Variants in CACNA2D1 observed in about 807,000 individuals in gnomAD.
CACNA2D1 encodes the protein voltage-dependent calcium channel subunit alpha-2/delta-1.
In CACNA2D1, 53 loss-of-function variants were observed where a neutral mutation model predicts 171.5. The ratio of observed to expected loss-of-function variants is 0.31; its 90% CI spans 0.25 to 0.39. The LOEUF (loss-of-function observed/expected upper bound fraction) is 0.39, where lower values mean the gene tolerates loss of function less well. CACNA2D1 is among the 10% of genes least tolerant of loss of function. The pLI, the probability that CACNA2D1 is intolerant of heterozygous loss-of-function variation, is 1.00. For missense variants in CACNA2D1, 903 were observed against 1,299.8 expected (o/e 0.69, Z 4.69); for synonymous variants, 442 against 443.1 (o/e 1.00, Z 0.03).
At chr7:81,995,057 A>T (rs1168316974) in intron 19 of CACNA2D1, 118 bp from the exon 20 acceptor site, 1 of 613,864 alleles carries the variant, frequency 1.6e-6, no homozygotes, top group Non-Finnish European at 3.0e-6. Context: ...TAAAATAAAA[A>T]TAGGGGGTTA....
chr7:82,133,790 G>T (rs1791280984), intron 5 of CACNA2D1, among the ~76,000 whole-genome samples: 1 of 152,004 alleles, frequency 6.6e-6, no homozygotes, highest in African/African-American at 2.4e-5. Context: ...GAATCATGCA[G>T]GGCCGGGCAC....
At chr7:82,308,864 C>G (rs1360031287) in intron 3 of CACNA2D1, among the ~76,000 whole-genome samples, 2 of 152,166 alleles carry the variant, frequency 1.3e-5, no homozygotes, top group Non-Finnish European at 2.9e-5. Context: ...CTAGGGCCAT[C>G]CCTTTAGAAG....
At chr7:82,347,740 A>C (rs1819401758) in intron 2 of CACNA2D1, among the ~76,000 whole-genome samples, 2 of 152,142 alleles carry the variant, frequency 1.3e-5, no homozygotes, top group African/African-American at 2.4e-5. Context: ...ATTATTCATT[A>C]ATTTGGAATT....
chr7:82,100,828 C>CT (rs36030630), intron 6 of CACNA2D1, among the ~76,000 whole-genome samples: 2,335 of 146,080 alleles, frequency 0.016, 28 homozygotes, highest in Middle Eastern at 0.036. Context: ...AACTTTTTAA[C>CT]TTTTTTTTTT....
chr7:81,979,786 G>T (rs1796253656), intron 24 of CACNA2D1, among the ~76,000 whole-genome samples: 1 of 152,070 alleles, frequency 6.6e-6, no homozygotes, highest in East Asian at 1.9e-4. Context: ...CTACTAATAA[G>T]ATTGCAAGTA....
chr7:82,273,732 A>G (rs1405640774), intron 3 of CACNA2D1, among the ~76,000 whole-genome samples: 1 of 152,178 alleles, frequency 6.6e-6, no homozygotes, highest in Non-Finnish European at 1.5e-5. Context: ...TATAATTCCA[A>G]TTTAATAAAA....
At chr7:82,342,301 A>C (rs1241504578) in intron 2 of CACNA2D1, among the ~76,000 whole-genome samples, 3 of 152,154 alleles carry the variant, frequency 2.0e-5, no homozygotes, top group Non-Finnish European at 4.4e-5. Context: ...CACAAGGTAA[A>C]TCTCAAGAAG....
chr7:82,007,632 C>T, intron 16 of CACNA2D1, 47 bp downstream of exon 16: 1 of 973,968 alleles, frequency 1.0e-6, no homozygotes, highest in South Asian at 1.4e-5. Context: ...GCTTCAACGT[C>T]ACAGTTTGTC....
At chr7:82,234,714 A>G (rs547189577) in intron 3 of CACNA2D1, among the ~76,000 whole-genome samples, 28 of 152,312 alleles carry the variant, frequency 1.8e-4, no homozygotes, top group African/African-American at 5.5e-4. Context: ...AAATCAATCC[A>G]TTCTCAAAAA....
At chr7:82,149,955 C>T (rs1793621329) in intron 4 of CACNA2D1, among the ~76,000 whole-genome samples, 1 of 151,534 alleles carries the variant, frequency 6.6e-6, no homozygotes, top group East Asian at 1.9e-4. Flanking sequence ...AGAGTATGTG[C>T]GTGTCTCTGT....
At chr7:82,262,989 A>G (rs1025506814) in intron 3 of CACNA2D1, among the ~76,000 whole-genome samples, 5 of 151,840 alleles carry the variant, frequency 3.3e-5, no homozygotes, top group African/African-American at 4.8e-5. Flanking sequence ...TTTTTGTCCA[A>G]TCGTATTTCT....
chr7:82,002,718 GGAATAAAGCA>G (rs1220859276), intron 18 of CACNA2D1, among the ~76,000 whole-genome samples: 1 of 152,056 alleles, frequency 6.6e-6, no homozygotes, highest in Non-Finnish European at 1.5e-5. Context: ...AATCCATTTT[GGAATAAAGCA>G]GAATACATAA....
rs578220927 is a variant in CACNA2D1 at position 82,351,312 on chromosome 7, TA to T, written c.96-1664del. ...ATATTTTTTCAGATAAATTTAAATA[TA>T]ACAAAATATGGAATAAAAATATAAC... On this transcript the variant is annotated intron_variant, in intron 1 of 38. Transcript: ENST00000356860. Among the ~76,000 whole-genome samples the T allele has an allele frequency of 2.1e-4, 32 of 151,466 alleles. No homozygotes were observed. In the South Asian group the frequency reaches 6.6e-3, roughly 31 times the overall value.
At chr7:81,984,235 CAAATA>C (rs1796730447) in intron 22 of CACNA2D1, among the ~76,000 whole-genome samples, 2 of 151,944 alleles carry the variant, frequency 1.3e-5, no homozygotes, top group African/African-American at 4.8e-5. Context: ...TAACCAGAAA[CAAATA>C]AAAGGAAAGA....
At chr7:82,134,307 T>A (rs1791355475) in intron 5 of CACNA2D1, among the ~76,000 whole-genome samples, 1 of 152,150 alleles carries the variant, frequency 6.6e-6, no homozygotes, top group Middle Eastern at 3.2e-3. Context: ...AGAACTGAAA[T>A]GAACGTTATG....
intron 7 of CACNA2D1, among the ~76,000 whole-genome samples, chr7:82,078,312 G>C (rs1281872154): frequency 2.6e-5 from 4 of 151,920 alleles, no homozygotes; most frequent in Admixed American, 2.6e-4. Flanking sequence ...AGTAAGTGCT[G>C]GCTACATTGG....
At chr7:82,388,525 A>C (rs1824691834) in intron 1 of CACNA2D1, among the ~76,000 whole-genome samples, 1 of 152,206 alleles carries the variant, frequency 6.6e-6, no homozygotes, top group African/African-American at 2.4e-5. Context: ...TTTAGGGGAC[A>C]TGAGAGTGGC....
At chr7:81,970,518 A>C (rs1795158975) in intron 27 of CACNA2D1, among the ~76,000 whole-genome samples, 157 bp downstream of exon 27, 1 of 151,576 alleles carries the variant, frequency 6.6e-6, no homozygotes, top group Admixed American at 6.6e-5. Flanking sequence ...CAGAGAAATA[A>C]AATCTTTTAA....
chr7:82,107,898 G>A (rs1787944625), intron 6 of CACNA2D1, among the ~76,000 whole-genome samples: 1 of 152,060 alleles, frequency 6.6e-6, no homozygotes, highest in African/African-American at 2.4e-5. Context: ...TTTCTTAATT[G>A]AGACATTTTT....
Sources: allele counts gnomAD v4.1 joint callset (sites outside exome capture counted in the v4.1 genomes callset), GRCh38; gene constraint gnomAD v4.1.1; transcripts MANE v1.5; gene names NCBI Gene and HGNC (gene_info 2026-07-23, HGNC 2026-07-21).